Variants in CAMTA2 observed in about 807,000 individuals in gnomAD.
CAMTA2 encodes the protein calmodulin-binding transcription activator 2.
CAMTA2 carries 56 observed loss-of-function variants against 135.7 expected under a neutral mutation model. That is an observed-to-expected ratio of 0.41 (90% confidence interval 0.33 to 0.52). The LOEUF is 0.52. CAMTA2 is among the 20% of genes least tolerant of loss of function. The probability of loss-of-function intolerance (pLI) is 0.16; values close to 1 mark genes in which losing one functional copy is unlikely to be tolerated. For synonymous variants in CAMTA2, 591 were observed against 604.6 expected (o/e 0.98, Z 0.33); for missense variants, 1,358 against 1,553.4 (o/e 0.87, Z 2.11).
In CAMTA2 at chr17:4,986,174, C is replaced by T. The variant is rs201269640; in HGVS notation, c.31+18G>A. 1 of 1,490,232 alleles carries T rather than the reference C, an allele frequency of 6.7e-7. No individual in the cohort carries two copies. Among genetic ancestry groups the T allele is most frequent in the African/African-American group, 1.4e-5 (1 of 72,394 alleles). 92.3% of individuals were successfully genotyped at this position (1,490,232 alleles called of 1,614,324 possible). A position where few individuals can be genotyped will look rare whatever the true frequency, so the allele number is the denominator to read the frequency against. ...CGAAAGGCTGTGGCCACATTGGGAA[C>T]CTGGTTTGTGAACTTACCAGCAACC... On this transcript the variant is annotated intron_variant, in intron 2 of 22. Transcript: ENST00000348066.
At position 4,968,698 on chromosome 17, in the gene CAMTA2, T is replaced by C; in HGVS notation, c.*58A>G. The C allele has an allele frequency of 1.2e-6, 2 of 1,602,788 alleles. No individual in the cohort carries two copies. Among genetic ancestry groups the C allele is most frequent in the Admixed American group, 1.7e-5 (1 of 59,900 alleles). ...GGGCTCCCCCTGCCCCAGAAAGCCCTCTCCCTGTTAAGACTGCACGAGGCG... is the reference window on the plus strand; with the variant it reads ...GGGCTCCCCCTGCCCCAGAAAGCCCCCTCCCTGTTAAGACTGCACGAGGCG... On this transcript the variant is annotated 3_prime_UTR_variant, in exon 23 of 23. Coordinates refer to ENST00000348066, the MANE Select transcript of CAMTA2 (RefSeq NM_015099.4).
rs753208472 is a variant in CAMTA2 at position 4,969,013 on chromosome 17, G to A, written c.3471-32C>T. ...AAAGAAACAAAAGATGGACCTCACAGAAGGCATCGCATGCCTTCGGCCCCC... is the reference window on the plus strand; with the variant it reads ...AAAGAAACAAAAGATGGACCTCACAAAAGGCATCGCATGCCTTCGGCCCCC... On this transcript the variant is annotated intron_variant, in intron 21 of 22. Transcript: ENST00000348066. The surrounding 1 kb of genome is among the most constrained non-coding windows in gnomAD (Gnocchi z 5.6). 4.3e-6 allele frequency: 7 copies of A among 1,609,752 alleles called. No individual in the cohort carries two copies. In the Admixed American group the frequency reaches 1.2e-4, roughly 27 times the overall value.
chr17:4,987,580 C>T lies in CAMTA2; in HGVS notation c.-65+13G>A. On this transcript the variant is annotated intron_variant, in intron 1 of 22. Transcript: ENST00000348066. ...CGGGGGCGGAGAGGCGGGCGAGAGGCCCTGGCTCTTACCTCCCGGGGTCCC... is the reference window on the plus strand; with the variant it reads ...CGGGGGCGGAGAGGCGGGCGAGAGGTCCTGGCTCTTACCTCCCGGGGTCCC... 6.6e-7 allele frequency: 1 copy of T among 1,524,000 alleles called. No individual in the cohort carries two copies. The highest frequency in any genetic ancestry group is 8.8e-7 in the Non-Finnish European group (1 of 1,141,398). 94.4% of individuals were successfully genotyped at this position (1,524,000 alleles called of 1,614,324 possible).
At chr17:4,985,811 A>AC (rs1175895918) in intron 3 of CAMTA2, 69 bp downstream of exon 3, 35 of 926,070 alleles carry the variant, frequency 3.8e-5, no homozygotes, top group East Asian at 3.4e-4. Context: ...ACACGGAAAG[A>AC]CCCCCCACTC....
chr17:4,968,650 G>A lies in CAMTA2; in HGVS notation c.*106C>T, dbSNP rs1418105082. The stretch of plus-strand genomic sequence containing the variant: ...AGGCCTACAGAGGGCTCCAACAAAG[G>A]TGAACAGGAAAGCTGCCGACAGGGG... On this transcript the variant is annotated 3_prime_UTR_variant, in exon 23 of 23. Transcript: ENST00000348066. 7.6e-7 allele frequency: 1 copy of A among 1,318,218 alleles called. No individual in the cohort carries two copies. Among genetic ancestry groups the A allele is most frequent in the Admixed American group, 1.8e-5 (1 of 55,248 alleles). 81.7% of individuals were successfully genotyped at this position (1,318,218 alleles called of 1,614,324 possible).
intron 11 of CAMTA2, among the ~76,000 whole-genome samples, chr17:4,975,425 G>A (rs1972553498): frequency 6.6e-6 from 1 of 152,184 alleles, no homozygotes; most frequent in South Asian, 2.1e-4. Context: ...AGACAGGCAA[G>A]TTAAGATATT....
In CAMTA2 at chr17:4,970,384, G is replaced by A. The variant is rs199749173; in HGVS notation, c.2961C>T (p.Ser987=). The A allele has an allele frequency of 2.2e-4, 358 of 1,614,102 alleles. No homozygotes were observed. Among genetic ancestry groups the A allele is most frequent in the Non-Finnish European group, 2.5e-4 (296 of 1,180,038 alleles). The change falls in exon 17 of 23, where the codon AGC becomes AGT. Residue 987 remains serine, a synonymous_variant. Coordinates refer to ENST00000348066, the MANE Select transcript of CAMTA2 (RefSeq NM_015099.4). The stretch of plus-strand genomic sequence containing the variant: ...GGAAATGGTCCACATTCTCCAGGTA[G>A]CTGGCCAGCCAGGACATGGTCTCAC... ...GLSETMSWLA[S]YLENVDHFPS...
chr17:4,970,922 C>T (rs1419880236), intron 16 of CAMTA2, among the ~76,000 whole-genome samples: 1 of 152,178 alleles, frequency 6.6e-6, no homozygotes, highest in Non-Finnish European at 1.5e-5. Flanking sequence ...AGAACCATTC[C>T]AACACTTGCC....
rs148150425 is a variant in CAMTA2 at position 4,974,618 on chromosome 17, C to T, written c.1901-118G>A. 2.5e-3 allele frequency: 1,670 copies of T among 665,312 alleles called. 22 individuals carry two copies. The African/African-American group carries it at 0.025, about 10-fold the overall frequency. 41.2% of individuals were successfully genotyped at this position (665,312 alleles called of 1,614,324 possible). ...ACACAGAACCATATTCTTTTATCTT[C>T]CCCAAAACAACAGCTCCTTTACCCC... On this transcript the variant is annotated intron_variant, in intron 11 of 22. Transcript: ENST00000348066.
chr17:4,983,718 C>A (rs1033921017), intron 3 of CAMTA2: 1 of 151,082 alleles, frequency 6.6e-6, no homozygotes, highest in Non-Finnish European at 1.5e-5. Context: ...AGAGTAGCTG[C>A]GATTACAGGC....
At chr17:4,982,624 T>C in intron 5 of CAMTA2, 133 bp downstream of exon 5, 3 of 978,524 alleles carry the variant, frequency 3.1e-6, no homozygotes, top group Non-Finnish European at 4.5e-6. Context: ...CGACCCAAAG[T>C]GAGTGAGAAG....
Position 4,986,236 on chromosome 17 carries a change from G to A in CAMTA2, c.-14C>T, listed in dbSNP as rs1567701305. 2.5e-6 allele frequency: 4 copies of A among 1,607,276 alleles called. No individual in the cohort carries two copies. Among genetic ancestry groups the A allele is most frequent in the East Asian group, 2.2e-5 (1 of 44,852 alleles). On this transcript the variant is annotated 5_prime_UTR_variant, in exon 2 of 23. Transcript: ENST00000348066. ...CTTGGTATTCATGGTGAGGGCTCCA[G>A]GGGGCAAGGTCACCCCCGGCCTGAG...
intron 7 of CAMTA2, 56 bp downstream of exon 7, chr17:4,981,622 T>C (rs1287110038): frequency 2.6e-6 from 4 of 1,521,726 alleles, no homozygotes; most frequent in Non-Finnish European, 3.5e-6. Context: ...ATGGCCCCTC[T>C]GGGAGCCCTG....
chr17:4,978,764 C>T (rs1972781575), intron 9 of CAMTA2, 134 bp from the exon 10 acceptor site: 2 of 980,656 alleles, frequency 2.0e-6, no homozygotes. Context: ...CAGGGATAGA[C>T]AGGACCCAGT....
intron 5 of CAMTA2, among the ~76,000 whole-genome samples, 186 bp downstream of exon 5, chr17:4,982,571 C>T (rs953198217): frequency 5.3e-5 from 8 of 152,140 alleles, no homozygotes; most frequent in Non-Finnish European, 8.8e-5. Flanking sequence ...AGTTGAGTCA[C>T]GGAGGGAAAT....
In CAMTA2 at chr17:4,982,860, C is replaced by A; in HGVS notation, c.236G>T (p.Arg79Leu). 1 of 1,614,078 alleles carries A rather than the reference C, an allele frequency of 6.2e-7. No homozygotes were observed. Among genetic ancestry groups the A allele is most frequent in the Non-Finnish European group, 8.5e-7 (1 of 1,180,022 alleles). The stretch of plus-strand genomic sequence containing the variant: ...ATCCTTCCGATATTTCACCTTCTTG[C>A]GATTGTAGAGGATGATGGAGCCATT... The part of the protein sequence containing the change: ...PQNGSIILYN[R>L]KKVKYRKDGY... Residue 79 changes from arginine (R) to leucine (L), a missense_variant, in exon 5 of 23, where the codon CGC becomes CTC. Coordinates refer to ENST00000348066, the MANE Select transcript of CAMTA2 (RefSeq NM_015099.4).
At chr17:4,981,079 G>C (rs1402351137) in intron 8 of CAMTA2, 146 bp downstream of exon 8, 2 of 1,007,706 alleles carry the variant, frequency 2.0e-6, no homozygotes, top group Non-Finnish European at 3.0e-6. Context: ...AGATGGGAAC[G>C]TCTGTTCATC....
At chr17:4,981,981 G>C (rs886482644) in intron 6 of CAMTA2, 108 bp downstream of exon 6, 4 of 1,264,410 alleles carry the variant, frequency 3.2e-6, no homozygotes, top group South Asian at 1.2e-5. Flanking sequence ...TTCTTCCCAG[G>C]CTCCTTTCCT....
At chr17:4,975,303 G>A (rs1057233846) in intron 11 of CAMTA2, among the ~76,000 whole-genome samples, 28 of 151,826 alleles carry the variant, frequency 1.8e-4, no homozygotes, top group Non-Finnish European at 1.0e-4. Flanking sequence ...AGAAACCCAA[G>A]GAAAACAAAG....
Sources: gnomAD v4.1 joint callset for allele counts (sites outside exome capture counted in the v4.1 genomes callset) on GRCh38, gnomAD v4.1.1 for gene constraint, Gnocchi (gnomAD v3.1) non-coding constraint, MANE v1.5 for transcripts, NCBI Gene and HGNC (gene_info 2026-07-23, HGNC 2026-07-21) for gene names.